Variants in DMXL1 observed in about 807,000 individuals in gnomAD.
DMXL1 encodes dmX-like protein 1.
Under a neutral mutation model 319.2 loss-of-function variants are expected in DMXL1, and 99 were observed. That is an observed-to-expected ratio of 0.31 (90% CI 0.26 to 0.37). The LOEUF (loss-of-function observed/expected upper bound fraction) is 0.37. DMXL1 is among the 10% of genes least tolerant of loss of function. The probability of loss-of-function intolerance (pLI) is 1.00; values close to 1 mark genes in which losing one functional copy is unlikely to be tolerated. For missense variants in DMXL1, 3,745 were observed against 3,595.6 expected (o/e 1.04, Z -1.06); for synonymous variants, 1,385 against 1,235.2 (o/e 1.12, Z -2.54).
At chr5:119,085,806 C>T (rs1047457428) in intron 1 of DMXL1, among the ~76,000 whole-genome samples, 4 of 152,054 alleles carry the variant, frequency 2.6e-5, no homozygotes, top group African/African-American at 7.2e-5. Flanking sequence ...TTTAGAATGA[C>T]GTTAGCTATG....
chr5:119,086,406 A>G (rs1019904375), intron 1 of DMXL1, among the ~76,000 whole-genome samples: 2 of 152,198 alleles, frequency 1.3e-5, no homozygotes, highest in African/African-American at 2.4e-5. Context: ...CCACTTTATC[A>G]TGGTGAATGA....
intron 41 of DMXL1, 118 bp from the exon 42 acceptor site, chr5:119,240,288 GTATTTGTTGCTTT>G (rs1788537838): frequency 1.8e-6 from 1 of 547,740 alleles, no homozygotes. Context: ...TTGGTTACTT[GTATTTGTTGCTTT>G]TATAAATTTA....
chr5:119,121,316 G>C (rs1761999216), intron 9 of DMXL1, among the ~76,000 whole-genome samples, 177 bp downstream of exon 9: 1 of 149,852 alleles, frequency 6.7e-6, no homozygotes, highest in African/African-American at 2.5e-5. Context: ...TCATTCTTGG[G>C]TGTTTCTTGC....
intron 43 of DMXL1, among the ~76,000 whole-genome samples, chr5:119,245,620 A>G (rs532280541): frequency 6.6e-6 from 1 of 150,794 alleles, no homozygotes; most frequent in Non-Finnish European, 1.5e-5. Context: ...GCTCACTGCA[A>G]CCTCCACCTC....
intron 32 of DMXL1, among the ~76,000 whole-genome samples, chr5:119,198,726 T>C (rs1193411675): frequency 1.3e-5 from 2 of 152,162 alleles, no homozygotes; most frequent in Non-Finnish European, 2.9e-5. Flanking sequence ...CTTCAAACTG[T>C]ACTACAAAGC....
At chr5:119,079,409 A>C (rs980867460) in intron 1 of DMXL1, among the ~76,000 whole-genome samples, 1 of 152,168 alleles carries the variant, frequency 6.6e-6, no homozygotes, top group African/African-American at 2.4e-5. Flanking sequence ...CCCTAAAGTT[A>C]TCTCTACTTT....
At chr5:119,099,506 A>G (rs1348961768) in intron 2 of DMXL1, among the ~76,000 whole-genome samples, 1 of 152,188 alleles carries the variant, frequency 6.6e-6, no homozygotes, top group African/African-American at 2.4e-5. Flanking sequence ...CGCCCAGCCT[A>G]TCCTTGAGAT....
At chr5:119,077,488 T>TG (rs1293865068) in intron 1 of DMXL1, among the ~76,000 whole-genome samples, 2 of 142,712 alleles carry the variant, frequency 1.4e-5, no homozygotes, top group African/African-American at 2.6e-5. Flanking sequence ...GGTTTTTTTT[T>TG]TTTTTTTTTT....
chr5:119,232,675 T>C (rs1264073531), intron 38 of DMXL1, among the ~76,000 whole-genome samples: 1 of 152,090 alleles, frequency 6.6e-6, no homozygotes, highest in Non-Finnish European at 1.5e-5. Flanking sequence ...ATCTTATTCA[T>C]ATTTCTCAGT....
chr5:119,106,311 C>G (rs1758332431), intron 4 of DMXL1, among the ~76,000 whole-genome samples: 1 of 152,064 alleles, frequency 6.6e-6, no homozygotes, highest in African/African-American at 2.4e-5. Context: ...GTCACAGGTC[C>G]AGCTAATATT....
At chr5:119,202,906 T>TA in intron 32 of DMXL1, among the ~76,000 whole-genome samples, 1 of 144,162 alleles carries the variant, frequency 6.9e-6, no homozygotes, top group Non-Finnish European at 1.5e-5. Context: ...TATATATATA[T>TA]TTATATATTT....
rs140411228 is a variant in DMXL1 at position 119,189,202 on chromosome 5, G to A, written c.7136-506G>A. On this transcript the variant is annotated intron_variant, in intron 28 of 43. Transcript: ENST00000539542. ...GACTGGAAAATTCTGTCTCTGAGCC[G>A]TTTCCGAAAGTTTGAATCAGTTTAA... Among the ~76,000 whole-genome samples the A allele has an allele frequency of 2.7e-4, 41 of 152,128 alleles. No homozygotes were observed. In the East Asian group the frequency reaches 7.5e-3, roughly 28 times the overall value.
chr5:119,115,426 G>A (rs1024690524), intron 6 of DMXL1, among the ~76,000 whole-genome samples: 2 of 152,082 alleles, frequency 1.3e-5, no homozygotes, highest in African/African-American at 4.8e-5. Flanking sequence ...TTTATTCATT[G>A]GTTCATAGAG....
At chr5:119,189,926 A>G (rs1778412213) in intron 29 of DMXL1, 40 bp downstream of exon 29, 1 of 1,542,768 alleles carries the variant, frequency 6.5e-7, no homozygotes, top group Non-Finnish European at 8.9e-7. Flanking sequence ...TTCATAGTCA[A>G]ATAGAAATGA....
chr5:119,131,344 T>G (rs1764850636), intron 10 of DMXL1, among the ~76,000 whole-genome samples: 1 of 152,290 alleles, frequency 6.6e-6, no homozygotes, highest in South Asian at 2.1e-4. Context: ...ATTGATAAGT[T>G]GATACACAGT....
intron 40 of DMXL1, 30 bp downstream of exon 40, chr5:119,237,444 A>G: frequency 1.4e-6 from 2 of 1,390,368 alleles, no homozygotes; most frequent in Non-Finnish European, 2.0e-6. Context: ...CTTTAAATAA[A>G]ATTTGAATTT....
In DMXL1 at chr5:119,170,468, A is replaced by G. The variant is rs916261755; in HGVS notation, c.5677A>G (p.Arg1893Gly). The part of the protein sequence containing the change: ...KVIKKTRPFY[R>G]ASSFLDTSKD... ...CATCAAGAAAACAAGACCTTTTTATAGGGCTTCTAGTTTTCTGGATACTAG... is the reference window on the plus strand; with the variant it reads ...CATCAAGAAAACAAGACCTTTTTATGGGGCTTCTAGTTTTCTGGATACTAG... Residue 1893 changes from arginine to glycine, a missense_variant, in exon 24 of 44, where the codon AGG (arginine) becomes GGG (glycine). Around this residue, in one of 4 missense-constraint regions of DMXL1, gnomAD observed 1,382 missense variants for 1,269.5 expected, o/e 1.09. Coordinates refer to ENST00000539542, the MANE Select transcript of DMXL1 (RefSeq NM_001290321.3). 6 of 1,613,660 alleles carry G rather than the reference A, an allele frequency of 3.7e-6. No homozygotes were observed. The highest frequency in any genetic ancestry group is 3.4e-6 in the Non-Finnish European group (4 of 1,179,892).
intron 43 of DMXL1, 142 bp downstream of exon 43, chr5:119,244,718 C>CTGAA (rs1248890885): frequency 5.5e-6 from 3 of 550,296 alleles, no homozygotes; most frequent in Non-Finnish European, 9.3e-6. Flanking sequence ...GCTATTTAAT[C>CTGAA]TTTCAATGAA....
chr5:119,071,511 A>C lies in DMXL1; in HGVS notation c.-59A>C, dbSNP rs1749548634. On this transcript the variant is annotated 5_prime_UTR_variant, in exon 1 of 44. Coordinates refer to ENST00000539542, the MANE Select transcript of DMXL1 (RefSeq NM_001290321.3). Reference sequence around the variant, plus strand: ...CCCTGAGGGAAGGAGGGAGGGAAGCAGCCGCTGACCCGTGGCATGAGCTGG... The same window carrying C: ...CCCTGAGGGAAGGAGGGAGGGAAGCCGCCGCTGACCCGTGGCATGAGCTGG... 1 of 1,511,084 alleles carries C rather than the reference A, an allele frequency of 6.6e-7. No homozygotes were observed. Among genetic ancestry groups the C allele is most frequent in the African/African-American group, 1.4e-5 (1 of 71,974 alleles). 93.6% of individuals were successfully genotyped at this position (1,511,084 alleles called of 1,614,324 possible). A position where few individuals can be genotyped will look rare whatever the true frequency, so the allele number is the denominator to read the frequency against.
Sources: gnomAD v4.1 joint callset for allele counts (sites outside exome capture counted in the v4.1 genomes callset) on GRCh38, gnomAD v4.1.1 for gene constraint, gnomAD v4.1.1 regional missense constraint, MANE v1.5 for transcripts, NCBI Gene and HGNC (gene_info 2026-07-23, HGNC 2026-07-21) for gene names.